The following EPAS1 variants were observed in gnomAD, a reference collection of about 807,000 sequenced individuals.
EPAS1 encodes endothelial PAS domain protein 1, also known as endothelial PAS domain-containing protein 1.
EPAS1 carries 23 observed loss-of-function variants against 87.9 expected under a neutral mutation model. The observed-to-expected ratio is 0.26, with a 90% CI of 0.19 to 0.37. EPAS1 has a LOEUF of 0.37. EPAS1 is among the 10% of genes least tolerant of loss of function. The probability of loss-of-function intolerance (pLI) is 1.00; values close to 1 mark genes in which losing one functional copy is unlikely to be tolerated. For synonymous variants in EPAS1, 508 were observed against 444.3 expected (o/e 1.14, Z -1.80); for missense variants, 1,138 against 1,120.7 (o/e 1.02, Z -0.22).
intron 1 of EPAS1, among the ~76,000 whole-genome samples, chr2:46,322,202 C>G (rs1444715272): frequency 6.6e-6 from 1 of 152,160 alleles, no homozygotes; most frequent in African/African-American, 2.4e-5. Flanking sequence ...ATTTCTCCAC[C>G]TGAAACAATA....
At chr2:46,301,376 A>G (rs1572610059) in intron 1 of EPAS1, among the ~76,000 whole-genome samples, 1 of 152,098 alleles carries the variant, frequency 6.6e-6, no homozygotes, top group Non-Finnish European at 1.5e-5. Flanking sequence ...GGAGTTCAAG[A>G]CCAGCCTGGT....
Position 46,361,084 on chromosome 2 carries a change from A to T in EPAS1, c.773A>T (p.Asp258Val). The T allele has an allele frequency of 1.2e-6, 2 of 1,614,136 alleles. No homozygotes were observed. Among genetic ancestry groups the T allele is most frequent in the Non-Finnish European group, 1.7e-6 (2 of 1,180,010 alleles). The stretch of plus-strand genomic sequence containing the variant: ...ATGGACATGAAGTTCACCTACTGTG[A>T]TGACAGGTAGGGGGCCATGGGTGTG... ...HSMDMKFTYCDDRITELIGYH... is the reference protein window; with the variant it reads ...HSMDMKFTYCVDRITELIGYH... The change falls in exon 6 of 16, where the codon GAT becomes GTT. Residue 258 changes from aspartate (D) to valine (V), a missense_variant. Coordinates refer to ENST00000263734, the MANE Select transcript of EPAS1 (RefSeq NM_001430.5).
intron 1 of EPAS1, among the ~76,000 whole-genome samples, chr2:46,341,037 A>G (rs1683902124): frequency 1.3e-5 from 2 of 152,096 alleles, no homozygotes; most frequent in African/African-American, 2.4e-5. Context: ...TGTTTTCACT[A>G]TCTAACATTG....
intron 6 of EPAS1, among the ~76,000 whole-genome samples, chr2:46,364,647 A>G (rs1373454235): frequency 6.6e-6 from 1 of 152,250 alleles, no homozygotes; most frequent in East Asian, 1.9e-4. Flanking sequence ...AGTAAATTTC[A>G]TAACAATTCA....
chr2:46,339,618 C>G (rs946001607), intron 1 of EPAS1, among the ~76,000 whole-genome samples: 1 of 152,210 alleles, frequency 6.6e-6, no homozygotes, highest in Non-Finnish European at 1.5e-5. Context: ...AGTGTGTGAT[C>G]CAAATGTAAA....
In EPAS1 at chr2:46,382,466, C is replaced by G. The variant is rs1359625696; in HGVS notation, c.2329C>G (p.Leu777Val). 1.2e-6 allele frequency: 2 copies of G among 1,614,162 alleles called. No individual in the cohort carries two copies. The highest frequency in any genetic ancestry group is 1.7e-5 in the Admixed American group (1 of 60,036). The change falls in exon 15 of 16, where the codon CTG becomes GTG. Residue 777 changes from leucine to valine, a missense_variant. Physicochemically the swap from Leu to Val is conservative, Grantham distance 32. This residue lies in a region of EPAS1 where 502 missense variants were observed against 427.1 expected (regional missense o/e 1.18). Transcript: ENST00000263734. ...QNPMRGLGHPLRHLPLPQPPS... is the reference protein window; with the variant it reads ...QNPMRGLGHPVRHLPLPQPPS... ...CCCCATGAGGGGCCTGGGCCATCCC[C>G]TGAGACATCTGCCGCTGCCACAGCC...
rs1352437979 is a variant in EPAS1 at position 46,375,177 on chromosome 2, T to TG, written c.887-512dup. Among the ~76,000 whole-genome samples the TG allele has an allele frequency of 8.1e-5, 7 of 86,526 alleles. No individual in the cohort carries two copies. Among genetic ancestry groups the TG allele is most frequent in the Non-Finnish European group, 1.7e-4 (6 of 34,844 alleles). 56.8% of individuals were successfully genotyped at this position (86,526 alleles called of 152,430 possible). A position where few individuals can be genotyped will look rare whatever the true frequency, so the allele number is the denominator to read the frequency against. On this transcript the variant is annotated intron_variant, in intron 7 of 15. Coordinates refer to ENST00000263734, the MANE Select transcript of EPAS1 (RefSeq NM_001430.5). This position sits in a 1 kb window ranked among gnomAD's most constrained non-coding sequence, Gnocchi z 4.1. ...AGCAGGGTATTGGTGGTGGGTCTGC[T>TG]GAAAAAAAAAAACAAAAAAAAACAA...
intron 1 of EPAS1, among the ~76,000 whole-genome samples, chr2:46,310,841 T>G (rs1683196291): frequency 1.3e-5 from 2 of 152,214 alleles, no homozygotes; most frequent in Non-Finnish European, 2.9e-5. Context: ...CCTGAGTACT[T>G]TTGGCTTAGA....
intron 2 of EPAS1, among the ~76,000 whole-genome samples, chr2:46,349,420 C>G (rs1321738737): frequency 6.6e-6 from 1 of 152,202 alleles, no homozygotes; most frequent in African/African-American, 2.4e-5. Flanking sequence ...GTGTGCTAAA[C>G]ACACCCACAG....
chr2:46,357,247 T>G (rs570181116), intron 4 of EPAS1, among the ~76,000 whole-genome samples: 1 of 152,152 alleles, frequency 6.6e-6, no homozygotes, highest in Non-Finnish European at 1.5e-5. Flanking sequence ...GTGGGTTCAG[T>G]GGGTGGGTCT....
chr2:46,317,986 C>G (rs1029365874), intron 1 of EPAS1, among the ~76,000 whole-genome samples: 7 of 152,146 alleles, frequency 4.6e-5, no homozygotes, highest in Non-Finnish European at 8.8e-5. Context: ...TAGACTTTGG[C>G]TTAAGGGAAT....
intron 6 of EPAS1, among the ~76,000 whole-genome samples, chr2:46,368,599 G>A (rs1009807573): frequency 1.3e-5 from 2 of 152,102 alleles, no homozygotes; most frequent in African/African-American, 4.8e-5. Flanking sequence ...CTGTTTGGGG[G>A]GTGGGTTTAG....
intron 4 of EPAS1, among the ~76,000 whole-genome samples, chr2:46,359,247 G>C (rs991908449): frequency 6.8e-4 from 31 of 45,576 alleles, no homozygotes; most frequent in Non-Finnish European, 1.0e-3. Context: ...GACAGAGCAA[G>C]ATTCTGTCTC....
intron 11 of EPAS1, 69 bp downstream of exon 11, chr2:46,378,836 A>G (rs1572648090): frequency 2.2e-6 from 3 of 1,358,626 alleles, no homozygotes; most frequent in Non-Finnish European, 2.1e-6. Context: ...GCTCACATCC[A>G]TTCTTGTAGC....
chr2:46,366,097 G>A (rs76239010), intron 6 of EPAS1, among the ~76,000 whole-genome samples: 1,928 of 151,024 alleles, frequency 0.013, 38 homozygotes, highest in African/African-American at 0.045. Flanking sequence ...GACTCCAGGC[G>A]GTGGCATCTG....
Position 46,380,765 on chromosome 2 carries a change from A to C in EPAS1, c.2045+48A>C, listed in dbSNP as rs1358535691. ...TACCAGCAGGGCCGAACCGAGAGGC[A>C]CCCACTAGTAAGATAGCTGGACCCC... On this transcript the variant is annotated intron_variant, in intron 12 of 15. Coordinates refer to ENST00000263734, the MANE Select transcript of EPAS1 (RefSeq NM_001430.5). This position sits in a 1 kb window ranked among gnomAD's most constrained non-coding sequence, Gnocchi z 4.4. 3.7e-6 allele frequency: 6 copies of C among 1,600,320 alleles called. No homozygotes were observed. The highest frequency in any genetic ancestry group is 5.1e-6 in the Non-Finnish European group (6 of 1,179,898).
In EPAS1 at chr2:46,377,903, A is replaced by C. The variant is rs1413095996; in HGVS notation, c.1259A>C (p.Asn420Thr). The C allele has an allele frequency of 1.3e-6, 2 of 1,552,472 alleles. No homozygotes were observed. The highest frequency in any genetic ancestry group is 1.7e-6 in the Non-Finnish European group (2 of 1,147,362). The change falls in exon 10 of 16, where the codon AAC (asparagine) becomes ACC (threonine). Residue 420 changes from asparagine to threonine, a missense_variant. Asn to Thr is a moderately conservative substitution (Grantham distance 65). Coordinates refer to ENST00000263734, the MANE Select transcript of EPAS1 (RefSeq NM_001430.5). ...AIISLDFGNQ[N>T]FEESSAYGKA... is the part of the protein sequence containing the mutation. ...GCCCTTGTCTCCACAGGGAATCAGA[A>C]CTTCGAGGAGTCCTCAGCCTATGGC...
At chr2:46,335,958 C>T (rs1006254242) in intron 1 of EPAS1, 2 of 152,228 alleles carry the variant, frequency 1.3e-5, no homozygotes, top group Non-Finnish European at 2.9e-5. Flanking sequence ...CCATAGAGTT[C>T]TCTTGTTCAC....
intron 6 of EPAS1, among the ~76,000 whole-genome samples, chr2:46,369,022 A>G (rs955488522): frequency 6.6e-6 from 1 of 152,134 alleles, no homozygotes; most frequent in African/African-American, 2.4e-5. Flanking sequence ...CCCACTTCCC[A>G]TCAAAACCAG....
Sources: allele counts gnomAD v4.1 joint callset (sites outside exome capture counted in the v4.1 genomes callset), GRCh38; gene constraint gnomAD v4.1.1; regional missense constraint gnomAD v4.1.1; non-coding constraint Gnocchi (gnomAD v3.1); transcripts MANE v1.5; gene names NCBI Gene and HGNC (gene_info 2026-07-23, HGNC 2026-07-21).